Variants in JCAD observed in about 807,000 individuals in gnomAD.
The protein encoded by JCAD is junctional cadherin 5 associated.
Under a neutral mutation model 98.0 loss-of-function variants are expected in JCAD, and 40 were observed. The ratio of observed to expected loss-of-function variants is 0.41; its 90% CI spans 0.32 to 0.53. The LOEUF (loss-of-function observed/expected upper bound fraction) is 0.53. JCAD is among the 20% of genes least tolerant of loss of function. JCAD has a pLI of 0.31. For missense variants in JCAD, 1,705 were observed against 1,738.1 expected (o/e 0.98, Z 0.34); for synonymous variants, 691 against 682.3 (o/e 1.01, Z -0.20).
intron 2 of JCAD, among the ~76,000 whole-genome samples, chr10:30,065,480 A>T (rs886400379): frequency 3.3e-5 from 5 of 152,180 alleles, no homozygotes; most frequent in Non-Finnish European, 7.3e-5. Context: ...GCTATGCTTT[A>T]TATTAATTCA....
chr10:30,061,731 CT>C (rs72058801), upstream of JCAD, among the ~76,000 whole-genome samples: 9,782 of 141,816 alleles, frequency 0.069, 627 homozygotes, highest in African/African-American at 0.18. Flanking sequence ...GAAATGCAGA[CT>C]TTTTTTTTTT....
intron 1 of JCAD, among the ~76,000 whole-genome samples, chr10:30,088,419 G>T (rs1838201725): frequency 6.6e-6 from 1 of 152,146 alleles, no homozygotes; most frequent in Non-Finnish European, 1.5e-5. Context: ...TCTCACTGCA[G>T]GCCTCCTGAT....
chr10:30,031,223 C>T (rs994964570), intron 2 of JCAD, among the ~76,000 whole-genome samples: 1 of 152,010 alleles, frequency 6.6e-6, no homozygotes, highest in African/African-American at 2.4e-5. Flanking sequence ...AACTCCTGGG[C>T]TCAAGCAATC....
rs1269794224 is a variant in JCAD at position 30,017,453 on chromosome 10, T to C, written c.*430A>G. 4.9e-6 allele frequency: 1 copy of C among 205,906 alleles called. No individual in the cohort carries two copies. Among genetic ancestry groups the C allele is most frequent in the Non-Finnish European group, 9.6e-6 (1 of 103,888 alleles). The allele number at this position is 205,906 out of a possible 1,614,324, so 12.8% of individuals were successfully genotyped here. A position where few individuals can be genotyped will look rare whatever the true frequency, so the allele number is the denominator to read the frequency against. ...GGCAACAGCCAGTGTCCCAAACTCC[T>C]TCACAAGAGCATGGACTGCAGGCCA... On this transcript the variant is annotated 3_prime_UTR_variant, in exon 4 of 4. Coordinates refer to ENST00000375377, the MANE Select transcript of JCAD (RefSeq NM_020848.4).
intron 2 of JCAD, among the ~76,000 whole-genome samples, chr10:30,032,661 C>A (rs1198492211): frequency 6.6e-6 from 1 of 152,156 alleles, no homozygotes; most frequent in East Asian, 1.9e-4. Context: ...ACAAAAATTG[C>A]TTATACTCTT....
Position 30,029,814 on chromosome 10 carries a change from C to G in JCAD, c.334G>C (p.Asp112His), listed in dbSNP as rs118037636. The G allele has an allele frequency of 1.2e-6, 2 of 1,613,996 alleles. No homozygotes were observed. Among genetic ancestry groups the G allele is most frequent in the Non-Finnish European group, 1.7e-6 (2 of 1,180,038 alleles). The change falls in exon 3 of 4, where the codon GAC becomes CAC. Residue 112 changes from aspartate (D) to histidine (H), a missense_variant. This residue lies in a region of JCAD where 275 missense variants were observed against 346.9 expected (regional missense o/e 0.79). Coordinates refer to ENST00000375377, the MANE Select transcript of JCAD (RefSeq NM_020848.4). ...AWSSHPPTGN[D>H]QAYRRRGRQE... The stretch of plus-strand genomic sequence containing the variant: ...CGTCCTCTTCTCCGGTAGGCTTGGT[C>G]GTTACCAGTCGGGGGATGAGAGGAC...
intron 2 of JCAD, among the ~76,000 whole-genome samples, chr10:30,034,734 C>T (rs1837076878): frequency 6.6e-6 from 1 of 152,152 alleles, no homozygotes; most frequent in African/African-American, 2.4e-5. Context: ...GAACATGAAC[C>T]ACTGAAAAGT....
intron 1 of JCAD, among the ~76,000 whole-genome samples, chr10:30,097,726 G>A (rs904628489): frequency 7.2e-5 from 11 of 152,040 alleles, no homozygotes; most frequent in Non-Finnish European, 1.2e-4. Context: ...TTGCCCCACT[G>A]CACTCCAGCC....
intron 1 of JCAD, among the ~76,000 whole-genome samples, chr10:30,051,307 C>A (rs946782293): frequency 6.6e-6 from 1 of 151,450 alleles, no homozygotes; most frequent in African/African-American, 2.4e-5. Context: ...CACACACACA[C>A]AAGAGTTGAT....
chr10:30,059,642 G>GCCCGCCCC (rs1374047863), upstream of JCAD: 4 of 152,608 alleles, frequency 2.6e-5, no homozygotes, highest in South Asian at 3.7e-4. The surrounding 1 kb of genome is among the most constrained non-coding windows in gnomAD (Gnocchi z 5.0). Context: ...CACCGCCCGG[G>GCCCGCCCC]GCTGCCTCCT....
chr10:30,110,775 C>T (rs746075720), intron 1 of JCAD, among the ~76,000 whole-genome samples: 1 of 151,796 alleles, frequency 6.6e-6, no homozygotes, highest in South Asian at 2.1e-4. Flanking sequence ...AATATATGGA[C>T]CAGTTGATGT....
chr10:30,091,787 G>T (rs1838271054), intron 1 of JCAD, among the ~76,000 whole-genome samples: 1 of 140,656 alleles, frequency 7.1e-6, no homozygotes, highest in African/African-American at 2.6e-5. Flanking sequence ...ACTTTGGGAG[G>T]CCAAGGCGGG....
At chr10:30,041,268 A>G (rs904861838) in intron 2 of JCAD, among the ~76,000 whole-genome samples, 20 of 152,130 alleles carry the variant, frequency 1.3e-4, no homozygotes, top group Non-Finnish European at 2.6e-4. Flanking sequence ...CCTGGTGTTC[A>G]TGAGCATGCC....
At position 30,013,644 on chromosome 10, in the gene JCAD, G is replaced by A. The variant is rs1253945780; in HGVS notation, c.*4239C>T. 1 of 152,250 alleles carries A rather than the reference G, an allele frequency of 6.6e-6. No individual in the cohort carries two copies. Among genetic ancestry groups the A allele is most frequent in the African/African-American group, 2.4e-5 (1 of 41,444 alleles). The allele number at this position is 152,250 out of a possible 1,614,324, so 9.4% of individuals were successfully genotyped here. On this transcript the variant is annotated 3_prime_UTR_variant, in exon 4 of 4. Coordinates refer to ENST00000375377, the MANE Select transcript of JCAD (RefSeq NM_020848.4). ...AAGGGAGGTGGAAGAAAGAAGAGAT[G>A]GTCCTTTGGCTTGGTTGTAAGCCCT...
In JCAD at chr10:30,012,947, C is replaced by T. The variant is rs1318989661; in HGVS notation, c.*4936G>A. ...CTGTGCTTTGCCGGCATTTTATCTGCTACTTTGTCCTGCTTCTCTCTTCCC... is the reference window on the plus strand; with the variant it reads ...CTGTGCTTTGCCGGCATTTTATCTGTTACTTTGTCCTGCTTCTCTCTTCCC... On this transcript the variant is annotated 3_prime_UTR_variant, in exon 4 of 4. Coordinates refer to ENST00000375377, the MANE Select transcript of JCAD (RefSeq NM_020848.4). The T allele has an allele frequency of 1.3e-5, 2 of 152,444 alleles. No homozygotes were observed. The highest frequency in any genetic ancestry group is 4.8e-5 in the African/African-American group (2 of 41,460). The allele number at this position is 152,444 out of a possible 1,614,324, so 9.4% of individuals were successfully genotyped here.
At chr10:30,079,625 A>G (rs1283733268) in intron 1 of JCAD, among the ~76,000 whole-genome samples, 2 of 152,176 alleles carry the variant, frequency 1.3e-5, no homozygotes, top group Non-Finnish European at 2.9e-5. Context: ...ACCAGGCTCC[A>G]ATCAGCTGAG....
chr10:30,090,737 G>A (rs565694438), intron 1 of JCAD, among the ~76,000 whole-genome samples: 1 of 152,250 alleles, frequency 6.6e-6, no homozygotes, highest in East Asian at 1.9e-4. Flanking sequence ...GTGCCTCCAG[G>A]CCTCTGGGAC....
chr10:30,105,204 A>T (rs1838552003), intron 1 of JCAD, among the ~76,000 whole-genome samples: 1 of 152,184 alleles, frequency 6.6e-6, no homozygotes, highest in Non-Finnish European at 1.5e-5. Flanking sequence ...GAGAGAGGTG[A>T]AAATAATTTT....
intron 2 of JCAD, among the ~76,000 whole-genome samples, chr10:30,031,531 T>G (rs1430569371): frequency 7.2e-6 from 1 of 139,632 alleles, no homozygotes; most frequent in African/African-American, 2.7e-5. Flanking sequence ...CACCTCCGCC[T>G]CCTGGGTGCA....
Sources: gnomAD v4.1 joint callset for allele counts (sites outside exome capture counted in the v4.1 genomes callset) on GRCh38, gnomAD v4.1.1 for gene constraint, gnomAD v4.1.1 regional missense constraint, Gnocchi (gnomAD v3.1) non-coding constraint, MANE v1.5 for transcripts, NCBI Gene and HGNC (gene_info 2026-07-23, HGNC 2026-07-21) for gene names.